Variants in GRIN2B observed in about 807,000 individuals in gnomAD.
GRIN2B encodes the protein glutamate receptor ionotropic, NMDA 2B.
Under a neutral mutation model 114.5 loss-of-function variants are expected in GRIN2B, and 5 were observed. That is an observed-to-expected ratio of 0.04 (90% CI 0.02 to 0.09). GRIN2B has a LOEUF of 0.09. Among genes scored for constraint, GRIN2B ranks in the 10% least tolerant of loss-of-function variants. The pLI is 1.00. For synonymous variants in GRIN2B, 787 were observed against 745.1 expected, an observed-to-expected ratio of 1.06 and a Z score of -0.92; for missense variants, 1,108 against 1,943.5, an observed-to-expected ratio of 0.57 and a Z score of 8.08.
intron 2 of GRIN2B, among the ~76,000 whole-genome samples, chr12:13,883,744 C>A (rs1000534223): frequency 1.4e-4 from 21 of 151,994 alleles, no homozygotes; most frequent in African/African-American, 5.1e-4. Context: ...TGTGGCTGAT[C>A]ATTTTCTTAA....
intron 2 of GRIN2B, among the ~76,000 whole-genome samples, chr12:13,935,503 C>T (rs1289376905): frequency 6.6e-6 from 1 of 152,182 alleles, no homozygotes; most frequent in African/African-American, 2.4e-5. Flanking sequence ...GATTTAAAAG[C>T]ATTAACTTGA....
chr12:13,569,106 TCTC>T (rs1025965795), intron 12 of GRIN2B, among the ~76,000 whole-genome samples: 7 of 152,258 alleles, frequency 4.6e-5, no homozygotes, highest in Admixed American at 3.3e-4. Flanking sequence ...TAATATCAGT[TCTC>T]CTACTTTATC....
chr12:13,708,012 G>C (rs200411466), intron 4 of GRIN2B, among the ~76,000 whole-genome samples: 9 of 151,578 alleles, frequency 5.9e-5, no homozygotes, highest in Non-Finnish European at 1.0e-4. Flanking sequence ...TGTAGAGTTT[G>C]TTCAAGGAAC....
intron 4 of GRIN2B, among the ~76,000 whole-genome samples, chr12:13,716,552 AG>A (rs1462861574): frequency 6.6e-6 from 1 of 151,930 alleles, no homozygotes; most frequent in African/African-American, 2.4e-5. Context: ...GATGATGGCA[AG>A]TGAAATACGA....
intron 5 of GRIN2B, among the ~76,000 whole-genome samples, chr12:13,621,589 GA>G (rs11409702): frequency 1.4e-4 from 12 of 85,248 alleles, no homozygotes; most frequent in African/African-American, 4.6e-4. Flanking sequence ...TTTTTCAAGA[GA>G]AAAAAAAAAT....
intron 2 of GRIN2B, among the ~76,000 whole-genome samples, chr12:13,963,040 A>G (rs968631931): frequency 6.6e-6 from 1 of 152,000 alleles, no homozygotes; most frequent in African/African-American, 2.4e-5. Context: ...CTCCCTCCCT[A>G]GTTTTTCCCT....
chr12:13,972,831 A>G (rs1395573680), intron 2 of GRIN2B, among the ~76,000 whole-genome samples: 4 of 152,260 alleles, frequency 2.6e-5, no homozygotes, highest in African/African-American at 9.6e-5. Context: ...CCTAAATTGC[A>G]CACATTTAAT....
intron 2 of GRIN2B, among the ~76,000 whole-genome samples, chr12:13,893,178 A>G (rs1333978933): frequency 2.6e-5 from 4 of 152,168 alleles, no homozygotes; most frequent in Non-Finnish European, 4.4e-5. Context: ...AAACAGCCAT[A>G]TTTTAGAATA....
At chr12:13,686,104 C>T (rs1295638354) in intron 4 of GRIN2B, among the ~76,000 whole-genome samples, 1 of 152,158 alleles carries the variant, frequency 6.6e-6, no homozygotes. Flanking sequence ...AAACCCACAT[C>T]TTATATTTCT....
intron 4 of GRIN2B, among the ~76,000 whole-genome samples, chr12:13,690,373 TCACA>T (rs57259908): frequency 0.26 from 36,724 of 143,146 alleles, 4,631 homozygotes; most frequent in Non-Finnish European, 0.28. Context: ...TCTCTCTCTC[TCACA>T]CACACACACA....
At chr12:13,831,103 C>T (rs1865136609) in intron 3 of GRIN2B, among the ~76,000 whole-genome samples, 1 of 152,160 alleles carries the variant, frequency 6.6e-6, no homozygotes, top group Admixed American at 6.5e-5. Flanking sequence ...CTTCCTGCTT[C>T]CGCTCTCCCA....
chr12:13,756,206 G>T (rs990757075), intron 3 of GRIN2B, among the ~76,000 whole-genome samples: 2 of 151,902 alleles, frequency 1.3e-5, no homozygotes, highest in African/African-American at 4.8e-5. Flanking sequence ...AGTAGAGAAG[G>T]GGTTTCACCA....
intron 9 of GRIN2B, among the ~76,000 whole-genome samples, chr12:13,609,681 G>A (rs943495796): frequency 1.3e-5 from 2 of 151,884 alleles, no homozygotes; most frequent in Admixed American, 6.6e-5. Context: ...CCTGAGGCAG[G>A]AGAATGGTGT....
chr12:13,687,252 T>C (rs143929992), intron 4 of GRIN2B, among the ~76,000 whole-genome samples: 47 of 152,350 alleles, frequency 3.1e-4, no homozygotes, highest in African/African-American at 1.1e-3. Context: ...ATCATCATTC[T>C]CCTAAGTGTT....
chr12:13,762,614 G>C (rs1255166673), intron 3 of GRIN2B, among the ~76,000 whole-genome samples: 1 of 152,208 alleles, frequency 6.6e-6, no homozygotes, highest in African/African-American at 2.4e-5. Flanking sequence ...ATTTGATTAA[G>C]CTATGAGTGC....
At chr12:13,663,720 G>A (rs897048575) in intron 5 of GRIN2B, among the ~76,000 whole-genome samples, 1 of 152,118 alleles carries the variant, frequency 6.6e-6, no homozygotes, top group Admixed American at 6.6e-5. Context: ...TCTATATACT[G>A]TTTTCTAGTT....
At position 13,551,164 on chromosome 12, in the gene GRIN2B, A is replaced by C. The variant is rs1248338584; in HGVS notation, c.*11619T>G. 1 of 152,064 alleles carries C rather than the reference A, an allele frequency of 6.6e-6. No individual in the cohort carries two copies. The highest frequency in any genetic ancestry group is 1.5e-5 in the Non-Finnish European group (1 of 67,986). The allele number at this position is 152,064 out of a possible 1,614,324, so 9.4% of individuals were successfully genotyped here. On this transcript the variant is annotated 3_prime_UTR_variant, in exon 14 of 14. Coordinates refer to ENST00000609686, the MANE Select transcript of GRIN2B (RefSeq NM_000834.5). ...GAACAGATAAATTATTGAATCCGTG[A>C]AGGCATTTATCCCTATTCCTTGAGA...
chr12:13,693,643 G>A (rs1950233087), intron 4 of GRIN2B, among the ~76,000 whole-genome samples: 1 of 152,128 alleles, frequency 6.6e-6, no homozygotes, highest in African/African-American at 2.4e-5. Context: ...TTGAAAGACA[G>A]GGATTCAATA....
chr12:13,979,042 G>C (rs115352712), intron 2 of GRIN2B, among the ~76,000 whole-genome samples: 3 of 152,060 alleles, frequency 2.0e-5, no homozygotes, highest in African/African-American at 7.2e-5. Flanking sequence ...CTCACGTGTC[G>C]AATTCTGCAC....
Sources: gnomAD v4.1 joint callset for allele counts (sites outside exome capture counted in the v4.1 genomes callset) on GRCh38, gnomAD v4.1.1 for gene constraint, MANE v1.5 for transcripts, NCBI Gene and HGNC (gene_info 2026-07-23, HGNC 2026-07-21) for gene names.